QTGAL: variants seen among roughly 807,000 people sequenced by gnomAD.
QTGAL encodes the protein BGnT-like protein 1.
the QTGAL span, among the ~76,000 whole-genome samples, chr17:83,013,705 C>T: frequency 1.2e-4 from 19 of 152,122 alleles, no homozygotes; most frequent in African/African-American, 3.6e-4. Flanking sequence ...CGCACAGCCC[C>T]GCGGGGGGAG....
At chr17:83,035,115 G>C in the QTGAL span, 1 of 1,603,190 alleles carries the variant, frequency 6.2e-7, no homozygotes, top group Non-Finnish European at 8.5e-7. Context: ...GAAAAAAGAA[G>C]AGCAAAACTC....
At chr17:82,983,004 G>A in the QTGAL span, among the ~76,000 whole-genome samples, 3 of 152,192 alleles carry the variant, frequency 2.0e-5, no homozygotes, top group African/African-American at 7.2e-5. Context: ...TTTTTGGCTG[G>A]GCGCAGTGGC....
the QTGAL span, chr17:83,006,521 G>A: frequency 8.1e-6 from 8 of 985,430 alleles, no homozygotes; most frequent in East Asian, 9.1e-4. This position sits in a 1 kb window ranked among gnomAD's most constrained non-coding sequence, Gnocchi z 5.8. Flanking sequence ...CCAGGAGAGG[G>A]ACATGATGGA....
At chr17:83,049,612 AC>A in the QTGAL span, among the ~76,000 whole-genome samples, 1 of 151,966 alleles carries the variant, frequency 6.6e-6, no homozygotes, top group Non-Finnish European at 1.5e-5. Flanking sequence ...ATGTTAGAAA[AC>A]CTGCAACAAA....
chr17:82,983,018 C>T, the QTGAL span, among the ~76,000 whole-genome samples: 1 of 152,218 alleles, frequency 6.6e-6, no homozygotes, highest in Non-Finnish European at 1.5e-5. Flanking sequence ...CAGTGGCTCA[C>T]ACCTGTAATC....
At chr17:82,950,270 T>A in the QTGAL span, among the ~76,000 whole-genome samples, 13 of 152,182 alleles carry the variant, frequency 8.5e-5, no homozygotes, top group Non-Finnish European at 1.3e-4. Context: ...GGAAGGGTTT[T>A]CACCAAGTGC....
At chr17:82,977,200 G>A in the QTGAL span, among the ~76,000 whole-genome samples, 1 of 152,374 alleles carries the variant, frequency 6.6e-6, no homozygotes, top group African/African-American at 2.4e-5. Flanking sequence ...ATGAACGGAG[G>A]CCCGAAAGCA....
the QTGAL span, among the ~76,000 whole-genome samples, chr17:82,964,865 G>A: frequency 1.1e-5 from 1 of 88,904 alleles, no homozygotes; most frequent in Admixed American, 1.1e-4. Context: ...GCCTGCAGGT[G>A]CACCCCCACG....
chr17:83,005,135 G>T, the QTGAL span: 1 of 1,608,830 alleles, frequency 6.2e-7, no homozygotes, highest in Admixed American at 1.7e-5. This position sits in a 1 kb window ranked among gnomAD's most constrained non-coding sequence, Gnocchi z 5.6. Context: ...AGCTGCTCCG[G>T]CGTCAGCTGG....
At chr17:83,038,010 G>C in the QTGAL span, among the ~76,000 whole-genome samples, 1 of 152,136 alleles carries the variant, frequency 6.6e-6, no homozygotes, top group Non-Finnish European at 1.5e-5. Flanking sequence ...GGAGAGAAGA[G>C]TGGGGATTGT....
the QTGAL span, among the ~76,000 whole-genome samples, chr17:82,993,570 C>G: frequency 3.3e-5 from 5 of 152,038 alleles, no homozygotes; most frequent in East Asian, 9.6e-4. Flanking sequence ...CAGCACTGAA[C>G]AGATTTTCCA....
chr17:83,042,291 T>C, the QTGAL span, among the ~76,000 whole-genome samples: 53,960 of 152,122 alleles, frequency 0.35, 9,589 homozygotes, highest in Non-Finnish European at 0.37. Flanking sequence ...CACTTGAACC[T>C]ACTGGGTGGA....
At chr17:82,943,097 G>T in the QTGAL span, 3 of 152,880 alleles carry the variant, frequency 2.0e-5, no homozygotes, top group African/African-American at 7.2e-5. Context: ...CCGACCAGCA[G>T]CTTCACAAAT....
At chr17:83,024,212 G>A in the QTGAL span, among the ~76,000 whole-genome samples, 1 of 152,230 alleles carries the variant, frequency 6.6e-6, no homozygotes, top group Non-Finnish European at 1.5e-5. Context: ...GTCTGCAGAA[G>A]AGCCCCCAGC....
At chr17:82,995,854 A>G in the QTGAL span, among the ~76,000 whole-genome samples, 4 of 152,114 alleles carry the variant, frequency 2.6e-5, no homozygotes, top group African/African-American at 9.7e-5. Flanking sequence ...AAATTAAAGA[A>G]GAGTAATCTC....
At chr17:82,962,356 G>A in the QTGAL span, among the ~76,000 whole-genome samples, 2 of 152,226 alleles carry the variant, frequency 1.3e-5, no homozygotes, top group Non-Finnish European at 2.9e-5. Flanking sequence ...TCAAAGAACA[G>A]ACCTCAAAAT....
the QTGAL span, chr17:82,956,716 G>C: frequency 1.3e-5 from 21 of 1,588,056 alleles, no homozygotes; most frequent in Non-Finnish European, 1.6e-5. The surrounding 1 kb of genome is among the most constrained non-coding windows in gnomAD (Gnocchi z 5.7). Context: ...AGATGACGAA[G>C]GGTGGCCGGG....
At chr17:83,044,293 C>T in the QTGAL span, among the ~76,000 whole-genome samples, 1 of 152,152 alleles carries the variant, frequency 6.6e-6, no homozygotes, top group Non-Finnish European at 1.5e-5. Flanking sequence ...ACACCAGGAA[C>T]AAGTGGGATT....
chr17:82,970,517 T>C, the QTGAL span, among the ~76,000 whole-genome samples: 1 of 150,596 alleles, frequency 6.6e-6, no homozygotes, highest in African/African-American at 2.4e-5. Flanking sequence ...ACACAGGTCC[T>C]CCCCACCCAG....
Sources: gnomAD v4.1 joint callset for allele counts (sites outside exome capture counted in the v4.1 genomes callset) on GRCh38, gnomAD v4.1.1 for gene constraint, Gnocchi (gnomAD v3.1) non-coding constraint, MANE v1.5 for transcripts, NCBI Gene and HGNC (gene_info 2026-07-23, HGNC 2026-07-21) for gene names.